Variants in LNX2 observed in about 807,000 individuals in gnomAD.
LNX2 encodes ligand of numb-protein X 2, also known as ligand of Numb protein X 2.
A neutral mutation model predicts 66.2 loss-of-function variants in LNX2; 35 were observed. That is an observed-to-expected ratio of 0.53 (90% confidence interval 0.40 to 0.70). The LOEUF is 0.70. LNX2 is among the 30% of genes least tolerant of loss of function. The pLI is 0.00. For missense variants in LNX2, 791 were observed against 850.8 expected (o/e 0.93, Z 0.87); for synonymous variants, 337 against 315.6 (o/e 1.07, Z -0.72).
intron 5 of LNX2, among the ~76,000 whole-genome samples, chr13:27,560,919 A>G (rs1955128266): frequency 6.6e-6 from 1 of 152,166 alleles, no homozygotes; most frequent in Non-Finnish European, 1.5e-5. Flanking sequence ...CAAATCTTAC[A>G]TTAGAAAAGA....
chr13:27,590,483 C>G (rs1358537195), intron 1 of LNX2, among the ~76,000 whole-genome samples: 1 of 152,032 alleles, frequency 6.6e-6, no homozygotes, highest in Non-Finnish European at 1.5e-5. Flanking sequence ...CCTCCCACGG[C>G]CTCCGAAAGT....
intron 7 of LNX2, 29 bp downstream of exon 7, chr13:27,556,207 T>C (rs1412411373): frequency 5.6e-6 from 9 of 1,593,350 alleles, no homozygotes; most frequent in Non-Finnish European, 6.9e-6. Context: ...AAATAAGATG[T>C]GGTAAAATTT....
At chr13:27,611,263 A>C (rs1332681974) in intron 1 of LNX2, among the ~76,000 whole-genome samples, 1 of 152,236 alleles carries the variant, frequency 6.6e-6, no homozygotes, top group Admixed American at 6.5e-5. Context: ...TATATTATTC[A>C]GCTTTACAAA....
intron 9 of LNX2, among the ~76,000 whole-genome samples, chr13:27,549,264 T>C (rs1213226958): frequency 6.6e-6 from 1 of 152,224 alleles, no homozygotes; most frequent in Non-Finnish European, 1.5e-5. Context: ...GCAAACAGTG[T>C]ACATTCTCCA....
chr13:27,566,985 G>A (rs2138354399), intron 4 of LNX2, among the ~76,000 whole-genome samples: 1 of 152,066 alleles, frequency 6.6e-6, no homozygotes, highest in East Asian at 1.9e-4. Context: ...AAAATATCTT[G>A]TCCCATGCTA....
At chr13:27,613,037 T>G (rs954926473) in intron 1 of LNX2, among the ~76,000 whole-genome samples, 4 of 151,240 alleles carry the variant, frequency 2.6e-5, no homozygotes, top group African/African-American at 9.7e-5. Flanking sequence ...GGTATGGGGG[T>G]AGGGGGTTGA....
chr13:27,588,344 AG>A lies in LNX2; in HGVS notation c.-100-6542del, dbSNP rs141650641. 2.4e-4 allele frequency among the ~76,000 whole-genome samples: 36 copies of A among 152,374 alleles called. No homozygotes were observed. The East Asian group carries it at 6.2e-3, about 26-fold the overall frequency. On this transcript the variant is annotated intron_variant, in intron 1 of 9. Coordinates refer to ENST00000316334, the MANE Select transcript of LNX2 (RefSeq NM_153371.4). ...CACAGAGTTTTACTCAGCGATAAAA[AG>A]GAATGAACTATTAACCTCTATGAAC...
intron 1 of LNX2, among the ~76,000 whole-genome samples, chr13:27,599,150 T>C (rs748664931): frequency 2.8e-4 from 43 of 152,182 alleles, no homozygotes; most frequent in Non-Finnish European, 5.0e-4. Flanking sequence ...ATCTCAAATT[T>C]TGAGCTGCCT....
chr13:27,581,340 C>T lies in LNX2; in HGVS notation c.364G>A (p.Asp122Asn), dbSNP rs367892531. The T allele has an allele frequency of 5.8e-6, 9 of 1,549,460 alleles. No homozygotes were observed. The highest frequency in any genetic ancestry group is 7.9e-6 in the Non-Finnish European group (9 of 1,145,166). ...TCCAGATCACAACGTTGCATTACATCTTTGCACACTGAAGAAAATGGACAT... is the reference window on the plus strand; with the variant it reads ...TCCAGATCACAACGTTGCATTACATTTTTGCACACTGAAGAAAATGGACAT... ...VLCPFSSVCK[D>N]VMQRCDLEAH... is the part of the protein sequence containing the mutation. The change falls in exon 2 of 10, where the codon GAT (aspartate) becomes AAT (asparagine). Residue 122 changes from aspartate to asparagine, a missense_variant. Asp to Asn is a conservative substitution (Grantham distance 23). Transcript: ENST00000316334.
chr13:27,572,640 G>A (rs1197283712), intron 2 of LNX2, among the ~76,000 whole-genome samples: 3 of 152,272 alleles, frequency 2.0e-5, no homozygotes, highest in African/African-American at 7.2e-5. Flanking sequence ...CTCCTCCTAA[G>A]GGAAAAATTA....
At chr13:27,550,092 G>A (rs565959384) in intron 9 of LNX2, among the ~76,000 whole-genome samples, 1 of 152,182 alleles carries the variant, frequency 6.6e-6, no homozygotes, top group South Asian at 2.1e-4. Flanking sequence ...TTCCGTAAGG[G>A]GTCAGATGGT....
chr13:27,584,106 G>C (rs73163596), intron 1 of LNX2, among the ~76,000 whole-genome samples: 5,331 of 152,224 alleles, frequency 0.035, 136 homozygotes, highest in Middle Eastern at 0.054. Context: ...CAAGGGAGGG[G>C]AATTCTAGAA....
At chr13:27,557,338 A>G (rs1955074737) in intron 6 of LNX2, among the ~76,000 whole-genome samples, 2 of 152,140 alleles carry the variant, frequency 1.3e-5, no homozygotes, top group South Asian at 2.1e-4. Context: ...ATGTTAATAT[A>G]GGCAACTGTC....
chr13:27,604,388 T>C (rs510342), intron 1 of LNX2, among the ~76,000 whole-genome samples: 96,636 of 152,100 alleles, frequency 0.64, 31,461 homozygotes, highest in Non-Finnish European at 0.69. Flanking sequence ...CCTCAGCTAT[T>C]GAGCACACTA....
At chr13:27,583,205 T>TGCGCGCGCGCGCACGC (rs1566124653) in intron 1 of LNX2, among the ~76,000 whole-genome samples, 8 of 22,076 alleles carry the variant, frequency 3.6e-4, no homozygotes, top group African/African-American at 1.3e-3. Flanking sequence ...TGTGTGTGTG[T>TGCGCGCGCGCGCACGC]GTGTGTGTGT....
chr13:27,599,941 C>G (rs551881939), intron 1 of LNX2, among the ~76,000 whole-genome samples: 1 of 152,158 alleles, frequency 6.6e-6, no homozygotes, highest in South Asian at 2.1e-4. Context: ...ATGGAAACAG[C>G]CTAGATGAAG....
chr13:27,578,478 G>A (rs780480553), intron 2 of LNX2, among the ~76,000 whole-genome samples: 3 of 152,090 alleles, frequency 2.0e-5, no homozygotes, highest in Admixed American at 1.3e-4. Flanking sequence ...TTTAGAACAT[G>A]GCTGCAAATT....
At position 27,573,024 on chromosome 13, in the gene LNX2, C is replaced by T. The variant is rs143613322; in HGVS notation, c.408-3748G>A. Among the ~76,000 whole-genome samples the T allele has an allele frequency of 3.3e-5, 5 of 152,308 alleles. No homozygotes were observed. The East Asian group carries it at 9.6e-4, about 29-fold the overall frequency. On this transcript the variant is annotated intron_variant, in intron 2 of 9. Transcript: ENST00000316334. Reference sequence around the variant, plus strand: ...AGAACACTGGAAGAAATTGTCAGAACCAGCCATTTCTGAAGTGTGGAAATT... The same window carrying T: ...AGAACACTGGAAGAAATTGTCAGAATCAGCCATTTCTGAAGTGTGGAAATT...
At chr13:27,604,340 A>G (rs1593263587) in intron 1 of LNX2, among the ~76,000 whole-genome samples, 4 of 152,374 alleles carry the variant, frequency 2.6e-5, no homozygotes, top group Admixed American at 2.6e-4. Context: ...AGATCCACAC[A>G]ATGAGCAGAG....
Sources: gnomAD v4.1 joint callset for allele counts (sites outside exome capture counted in the v4.1 genomes callset) on GRCh38, gnomAD v4.1.1 for gene constraint, MANE v1.5 for transcripts, NCBI Gene and HGNC (gene_info 2026-07-23, HGNC 2026-07-21) for gene names.